The following DSEL variants were observed in gnomAD, a reference collection of about 807,000 sequenced individuals.
DSEL encodes the protein dermatan sulfate epimerase like.
In DSEL, 61 loss-of-function variants were observed where a neutral mutation model predicts 96.6. The ratio of observed to expected loss-of-function variants is 0.63; its 90% CI spans 0.51 to 0.78. DSEL has a LOEUF of 0.78. Ranked by LOEUF, DSEL falls within the 30% of genes least tolerant of loss-of-function variation. The pLI is 0.00. For synonymous variants in DSEL, 514 were observed against 502.0 expected (o/e 1.02, Z -0.32); for missense variants, 1,320 against 1,430.8 (o/e 0.92, Z 1.25).
Position 67,511,248 on chromosome 18 carries a change from T to C in DSEL, c.3361A>G (p.Ser1121Gly). Reference sequence around the variant, plus strand: ...TCTTCAAACTTGACCAGCTGGTAGCTAGTAGGCAGCAAATCTGTATTTATT... The same window carrying C: ...TCTTCAAACTTGACCAGCTGGTAGCCAGTAGGCAGCAAATCTGTATTTATT... ...LRINTDLLPT[S>G]YQLVKFEDIV... The change falls in exon 2 of 2, where the codon AGC becomes GGC. Residue 1121 changes from serine (S) to glycine (G), a missense_variant. Transcript: ENST00000310045. 1 of 1,612,896 alleles carries C rather than the reference T, an allele frequency of 6.2e-7. No homozygotes were observed. The highest frequency in any genetic ancestry group is 1.1e-5 in the South Asian group (1 of 91,072).
Position 67,512,848 on chromosome 18 carries a change from A to C in DSEL, c.1761T>G (p.Ile587Met), listed in dbSNP as rs1348628042. ...TTATTGGGGAATCTTCTTGCCTCTC[A>C]ATATGATCAACAACTAGCAGAGTTT... The part of the protein sequence containing the change: ...NSQTLLVVDH[I>M]ERQEDSPINS... The change falls in exon 2 of 2, where the codon ATT becomes ATG. Residue 587 changes from isoleucine to methionine, a missense_variant. Ile to Met is a conservative substitution (Grantham distance 10). Around this residue, in one of 3 missense-constraint regions of DSEL, gnomAD observed 986 missense variants for 1,066.4 expected, o/e 0.92. Transcript: ENST00000310045. 2 of 1,614,100 alleles carry C rather than the reference A, an allele frequency of 1.2e-6. No individual in the cohort carries two copies. Among genetic ancestry groups the C allele is most frequent in the South Asian group, 2.2e-5 (2 of 91,086 alleles).
rs758119475 is a variant in DSEL at position 67,513,898 on chromosome 18, C to T, written c.711G>A (p.Leu237=). Residue 237 remains leucine, a synonymous_variant, in exon 2 of 2, where the codon TTG becomes TTA. Coordinates refer to ENST00000310045, the MANE Select transcript of DSEL (RefSeq NM_032160.3). ...TAGATCCTTTATCTACTCCAGTCAC[C>T]AAGGCCCCTGTGAGTAATGCTATCA... ...TNMIALLTGA[L]VTGVDKGSKA... is the part of the protein sequence containing the mutation. The T allele has an allele frequency of 2.5e-6, 4 of 1,614,124 alleles. No individual in the cohort carries two copies. Among genetic ancestry groups the T allele is most frequent in the Non-Finnish European group, 3.4e-6 (4 of 1,180,026 alleles).
chr18:67,509,724 C>T lies in DSEL; in HGVS notation c.*1246G>A, dbSNP rs995432081. The T allele has an allele frequency of 1.3e-5, 2 of 152,586 alleles. No homozygotes were observed. Among genetic ancestry groups the T allele is most frequent in the African/African-American group, 4.8e-5 (2 of 41,464 alleles). 9.5% of individuals were successfully genotyped at this position (152,586 alleles called of 1,614,324 possible). On this transcript the variant is annotated 3_prime_UTR_variant, in exon 2 of 2. Transcript: ENST00000310045. ...TACAGAGATTTTCATCAAGTCTCCA[C>T]ACTGCCTTATGTTTTCATCCAATAC...
chr18:67,507,009 T>G lies in DSEL; in HGVS notation c.*3961A>C, dbSNP rs2089413904. 6.6e-6 allele frequency: 1 copy of G among 152,274 alleles called. No homozygotes were observed. The highest frequency in any genetic ancestry group is 6.5e-5 in the Admixed American group (1 of 15,286). The allele number at this position is 152,274 out of a possible 1,614,324, so 9.4% of individuals were successfully genotyped here. A position where few individuals can be genotyped will look rare whatever the true frequency, so the allele number is the denominator to read the frequency against. ...TCAGACAATTTGGTCAACATTTAAA[T>G]AAGCAGCTAATAGCCCACATATTAA... On this transcript the variant is annotated 3_prime_UTR_variant, in exon 2 of 2. Transcript: ENST00000310045.
chr18:67,512,588 G>A lies in DSEL; in HGVS notation c.2021C>T (p.Thr674Ile). Residue 674 changes from threonine (T) to isoleucine (I), a missense_variant, in exon 2 of 2, where the codon ACA becomes ATA. By Grantham distance (89) the Thr-to-Ile change is moderately conservative. Coordinates refer to ENST00000310045, the MANE Select transcript of DSEL (RefSeq NM_032160.3). ...FVNVTFQMEP[T>I]ITRIAYVFYG... ...AAAGACATATGCAATTCTTGTGATT[G>A]TGGGTTCCATCTGAAAAGTAACATT... The A allele has an allele frequency of 6.2e-7, 1 of 1,614,074 alleles. No individual in the cohort carries two copies. Among genetic ancestry groups the A allele is most frequent in the Non-Finnish European group, 8.5e-7 (1 of 1,179,982 alleles).
In DSEL at chr18:67,508,024, A is replaced by G. The variant is rs1454188395; in HGVS notation, c.*2946T>C. 6.6e-6 allele frequency: 1 copy of G among 152,172 alleles called. No homozygotes were observed. Among genetic ancestry groups the G allele is most frequent in the African/African-American group, 2.4e-5 (1 of 41,448 alleles). The allele number at this position is 152,172 out of a possible 1,614,324, so 9.4% of individuals were successfully genotyped here. The stretch of plus-strand genomic sequence containing the variant: ...TTACTTCACTTTTGTCAGCAAAATT[A>G]ATAAGTCCTTTCAAAATTTTAAAAT... On this transcript the variant is annotated 3_prime_UTR_variant, in exon 2 of 2. Coordinates refer to ENST00000310045, the MANE Select transcript of DSEL (RefSeq NM_032160.3).
rs749689370 is a variant in DSEL at position 67,511,209 on chromosome 18, G to A, written c.3400C>T (p.Pro1134Ser). 1.9e-6 allele frequency: 3 copies of A among 1,613,936 alleles called. No individual in the cohort carries two copies. The highest frequency in any genetic ancestry group is 1.1e-5 in the South Asian group (1 of 91,070). The change falls in exon 2 of 2, where the codon CCT becomes TCT. Residue 1134 changes from proline to serine, a missense_variant. Coordinates refer to ENST00000310045, the MANE Select transcript of DSEL (RefSeq NM_032160.3). ...AAAATCCTTTCAGTAGTTTTCTGAG[G>A]AAAATGCACAATATCTTCAAACTTG... ...LVKFEDIVHF[P>S]QKTTERIFAF...
chr18:67,513,098 G>A lies in DSEL; in HGVS notation c.1511C>T (p.Ala504Val). Residue 504 changes from alanine (A) to valine (V), a missense_variant, in exon 2 of 2, where the codon GCT (alanine) becomes GTT (valine). Physicochemically the swap from Ala to Val is moderately conservative, Grantham distance 64. This residue lies in a region of DSEL where 986 missense variants were observed against 1,066.4 expected (regional missense o/e 0.92). Coordinates refer to ENST00000310045, the MANE Select transcript of DSEL (RefSeq NM_032160.3). ...LSHLNNVLVF[A>V]PSPSSQCNKP... ...ATTACACTGGCTTGAGGGTGATGGA[G>A]CAAACACCAATACATTGTTAAGGTG... 6.2e-7 allele frequency: 1 copy of A among 1,614,112 alleles called. No individual in the cohort carries two copies. Among genetic ancestry groups the A allele is most frequent in the Non-Finnish European group, 8.5e-7 (1 of 1,180,040 alleles).
rs376189761 is a variant in DSEL, at chr18:67,511,656, T to C, written c.2953A>G (p.Ile985Val). The change falls in exon 2 of 2, where the codon ATT becomes GTT. Residue 985 changes from isoleucine to valine, a missense_variant. Physicochemically the swap from Ile to Val is conservative, Grantham distance 29. Transcript: ENST00000310045. ...KGAFDRDAEY[I>V]RALRRHLVYY... The stretch of plus-strand genomic sequence containing the variant: ...ACCAGGTGTCTCCTCAAAGCCCTAA[T>C]ATATTCAGCATCTCTATCAAAGGCG... The C allele has an allele frequency of 2.5e-6, 4 of 1,614,172 alleles. No individual in the cohort carries two copies. The African/African-American group carries it at 4.0e-5, about 16-fold the overall frequency.
At chr18:67,515,839 C>T (rs2144058016) in intron 1 of DSEL, among the ~76,000 whole-genome samples, 1 of 151,866 alleles carries the variant, frequency 6.6e-6, no homozygotes, top group African/African-American at 2.4e-5. Context: ...ATGAGTCCTG[C>T]TATCCTTGTT....
Position 67,513,267 on chromosome 18 carries a change from T to C in DSEL, c.1342A>G (p.Ile448Val), listed in dbSNP as rs1326427799. The C allele has an allele frequency of 1.9e-6, 3 of 1,614,198 alleles. No individual in the cohort carries two copies. The highest frequency in any genetic ancestry group is 2.2e-5 in the South Asian group (2 of 91,080). ...GKLGGRAVYD[I>V]VHFQPYSWID... ...CAGGAATATGGCTGAAAATGAACTATGTCATACACAGCTCGTCCCCCCAGC... is the reference window on the plus strand; with the variant it reads ...CAGGAATATGGCTGAAAATGAACTACGTCATACACAGCTCGTCCCCCCAGC... Residue 448 changes from isoleucine (I) to valine (V), a missense_variant, in exon 2 of 2, where the codon ATA (isoleucine) becomes GTA (valine). Coordinates refer to ENST00000310045, the MANE Select transcript of DSEL (RefSeq NM_032160.3).
At position 67,507,478 on chromosome 18, in the gene DSEL, T is replaced by C. The variant is rs1379797549; in HGVS notation, c.*3492A>G. On this transcript the variant is annotated 3_prime_UTR_variant, in exon 2 of 2. Coordinates refer to ENST00000310045, the MANE Select transcript of DSEL (RefSeq NM_032160.3). ...CGTTTCTATTTCTGATCAAAGTTAATCAAGCCAAACAAAGCAATTCAAAAA... is the reference window on the plus strand; with the variant it reads ...CGTTTCTATTTCTGATCAAAGTTAACCAAGCCAAACAAAGCAATTCAAAAA... 6.6e-6 allele frequency: 1 copy of C among 151,744 alleles called. No individual in the cohort carries two copies. Among genetic ancestry groups the C allele is most frequent in the Admixed American group, 6.6e-5 (1 of 15,232 alleles). 9.4% of individuals were successfully genotyped at this position (151,744 alleles called of 1,614,324 possible).
Position 67,515,019 on chromosome 18 carries a change from T to C in DSEL, c.-411A>G, listed in dbSNP as rs2089467776. 5.1e-6 allele frequency: 1 copy of C among 196,346 alleles called. No individual in the cohort carries two copies. The highest frequency in any genetic ancestry group is 5.8e-5 in the Admixed American group (1 of 17,340). 12.2% of individuals were successfully genotyped at this position (196,346 alleles called of 1,614,324 possible). The stretch of plus-strand genomic sequence containing the variant: ...CTCCAAAATTCAAATTAAGAGTCAT[T>C]TCTAGCACAGAAAACCATCACTGGT... On this transcript the variant is annotated 5_prime_UTR_variant, in exon 2 of 2. Transcript: ENST00000310045.
In DSEL at chr18:67,511,361, G is replaced by T. The variant is rs764299854; in HGVS notation, c.3248C>A (p.Pro1083Gln). 1.9e-6 allele frequency: 3 copies of T among 1,603,582 alleles called. No homozygotes were observed. The African/African-American group carries it at 4.0e-5, about 21-fold the overall frequency. Residue 1083 changes from proline (P) to glutamine (Q), a missense_variant, in exon 2 of 2, where the codon CCA becomes CAA. Around this residue, in one of 3 missense-constraint regions of DSEL, gnomAD observed 986 missense variants for 1,066.4 expected, o/e 0.92. Transcript: ENST00000310045. ...GGATTTTGATAATTCTTTCCTCAATGGTTCATACTCGAAAGCATAACCCGA... is the reference window on the plus strand; with the variant it reads ...GGATTTTGATAATTCTTTCCTCAATTGTTCATACTCGAAAGCATAACCCGA... ...LNSGYAFEYE[P>Q]LRKELSKSKS...
Position 67,514,782 on chromosome 18 carries a change from CAA to C in DSEL, c.-176_-175del. 1.4e-6 allele frequency: 1 copy of C among 716,576 alleles called. No homozygotes were observed. 44.4% of individuals were successfully genotyped at this position (716,576 alleles called of 1,614,324 possible). On this transcript the variant is annotated 5_prime_UTR_variant, in exon 2 of 2. Coordinates refer to ENST00000310045, the MANE Select transcript of DSEL (RefSeq NM_032160.3). ...GTACATTTTAAGCAAGTGCAGTTGCCAAAAAGAGAAAACTTAAATTGTATATC... is the reference window on the plus strand; with the variant it reads ...GTACATTTTAAGCAAGTGCAGTTGCCAAAGAGAAAACTTAAATTGTATATC...
chr18:67,513,702 A>G lies in DSEL; in HGVS notation c.907T>C (p.Leu303=). 6.2e-7 allele frequency: 1 copy of G among 1,614,204 alleles called. No individual in the cohort carries two copies. The highest frequency in any genetic ancestry group is 8.5e-7 in the Non-Finnish European group (1 of 1,180,034). Residue 303 remains leucine (L), a synonymous_variant, in exon 2 of 2, where the codon TTG becomes CTG. Transcript: ENST00000310045. ...TGCATCTTTAACCAGTTATTATCCA[A>G]GTTGTTGATATTAAAATGGCGCTGG... ...LAQRHFNINN[L]DNNWLKMHFW...
At position 67,510,772 on chromosome 18, in the gene DSEL, G is replaced by A. The variant is rs1173327520; in HGVS notation, c.*198C>T. ...ATTTTCAGAAACAAAGGCAAGGGAG[G>A]TGATGACATAAAAATAAATCCTGCT... On this transcript the variant is annotated 3_prime_UTR_variant, in exon 2 of 2. Coordinates refer to ENST00000310045, the MANE Select transcript of DSEL (RefSeq NM_032160.3). 2.1e-6 allele frequency: 1 copy of A among 486,940 alleles called. No homozygotes were observed. Among genetic ancestry groups the A allele is most frequent in the Non-Finnish European group, 3.5e-6 (1 of 283,010 alleles). The allele number at this position is 486,940 out of a possible 1,614,324, so 30.2% of individuals were successfully genotyped here.
Position 67,511,517 on chromosome 18 carries a change from C to T in DSEL, c.3092G>A (p.Arg1031Lys). ...GASMRALYIV[R>K]DPRAWIYSML... is the part of the protein sequence containing the mutation. The stretch of plus-strand genomic sequence containing the variant: ...TGAATAAATCCATGCCCGAGGGTCT[C>T]TTACTATGTACAATGCCCTCATCGA... Residue 1031 changes from arginine to lysine, a missense_variant, in exon 2 of 2, where the codon AGA (arginine) becomes AAA (lysine). By Grantham distance (26) the Arg-to-Lys change is conservative. Around this residue, in one of 3 missense-constraint regions of DSEL, gnomAD observed 986 missense variants for 1,066.4 expected, o/e 0.92. Coordinates refer to ENST00000310045, the MANE Select transcript of DSEL (RefSeq NM_032160.3). 4 of 1,613,780 alleles carry T rather than the reference C, an allele frequency of 2.5e-6. No individual in the cohort carries two copies. The highest frequency in any genetic ancestry group is 3.4e-6 in the Non-Finnish European group (4 of 1,180,022).
chr18:67,513,777 C>T lies in DSEL; in HGVS notation c.832G>A (p.Ala278Thr), dbSNP rs1373718242. ...GATTTAGCTGTGTAGCTTCCATAGG[C>T]CACACCTTCATCCAAAGAACCATCA... ...IVDGSLDEGV[A>T]YGSYTAKSVT... is the part of the protein sequence containing the mutation. The change falls in exon 2 of 2, where the codon GCC becomes ACC. Residue 278 changes from alanine to threonine, a missense_variant. This residue lies in a region of DSEL where 323 missense variants were observed against 333.1 expected (regional missense o/e 0.97). Transcript: ENST00000310045. 1.2e-6 allele frequency: 2 copies of T among 1,614,058 alleles called. No individual in the cohort carries two copies. The highest frequency in any genetic ancestry group is 3.3e-5 in the Admixed American group (2 of 60,002).
Sources: allele counts gnomAD v4.1 joint callset (sites outside exome capture counted in the v4.1 genomes callset), GRCh38; gene constraint gnomAD v4.1.1; regional missense constraint gnomAD v4.1.1; transcripts MANE v1.5; gene names NCBI Gene and HGNC (gene_info 2026-07-23, HGNC 2026-07-21).